Variants in EYS observed in about 807,000 individuals in gnomAD.
EYS encodes protein eyes shut homolog.
EYS carries 250 observed loss-of-function variants against 282.1 expected under a neutral mutation model. The observed-to-expected ratio is 0.89, with a 90% CI of 0.80 to 0.98. The LOEUF (loss-of-function observed/expected upper bound fraction) is 0.98, where lower values mean the gene tolerates loss of function less well. Among genes scored for constraint, EYS ranks in the 50% least tolerant of loss-of-function variants. The pLI is 0.00. For missense variants in EYS, 4,016 were observed against 3,709.0 expected (o/e 1.08, Z -2.15); for synonymous variants, 1,355 against 1,282.9 (o/e 1.06, Z -1.20).
intron 22 of EYS, among the ~76,000 whole-genome samples, chr6:64,645,731 C>T (rs1191063508): frequency 6.6e-6 from 1 of 152,006 alleles, no homozygotes; most frequent in Non-Finnish European, 1.5e-5. Flanking sequence ...TATTAGAATG[C>T]TGTCAGAAAT....
intron 5 of EYS, among the ~76,000 whole-genome samples, chr6:65,410,671 C>A (rs1766954909): frequency 7.0e-6 from 1 of 141,846 alleles, no homozygotes; most frequent in African/African-American, 2.6e-5. Context: ...GTTTCTGTGT[C>A]TGGCCTATTT....
intron 12 of EYS, among the ~76,000 whole-genome samples, chr6:65,140,166 T>A (rs975711789): frequency 1.3e-5 from 2 of 151,846 alleles, no homozygotes; most frequent in Non-Finnish European, 2.9e-5. Flanking sequence ...AATTAGAAAG[T>A]CTCAGCAAAG....
chr6:64,710,249 T>C (rs1771161968), intron 22 of EYS, among the ~76,000 whole-genome samples: 1 of 152,208 alleles, frequency 6.6e-6, no homozygotes, highest in Non-Finnish European at 1.5e-5. Flanking sequence ...TCTCATTATG[T>C]AGATGGTTTT....
rs952148267 is a variant in EYS, at chr6:64,038,680, A to AT, written c.6725+27657dup. On this transcript the variant is annotated intron_variant, in intron 33 of 42. Coordinates refer to ENST00000503581, the MANE Select transcript of EYS (RefSeq NM_001142800.2). ...TCATGGGCAATTTCTTTTTTCCTCC[A>AT]TTTTTTTAATGATATGAGACTAATT... Among the ~76,000 whole-genome samples the AT allele has an allele frequency of 1.9e-4, 29 of 151,856 alleles. No homozygotes were observed. The South Asian group carries it at 2.7e-3, about 14-fold the overall frequency.
At chr6:64,025,672 C>T in intron 33 of EYS, among the ~76,000 whole-genome samples, 1 of 152,168 alleles carries the variant, frequency 6.6e-6, no homozygotes, top group East Asian at 1.9e-4. Context: ...AATTTAGGAT[C>T]CCTCCTCAGA....
chr6:63,957,061 G>T (rs1765857384), intron 35 of EYS, among the ~76,000 whole-genome samples: 1 of 152,074 alleles, frequency 6.6e-6, no homozygotes, highest in Non-Finnish European at 1.5e-5. Context: ...GTACTATATT[G>T]ATGATCAATT....
chr6:65,642,719 CTAA>C (rs948150851), intron 1 of EYS, among the ~76,000 whole-genome samples: 5 of 152,100 alleles, frequency 3.3e-5, no homozygotes, highest in African/African-American at 1.2e-4. Context: ...TGATTTCAGT[CTAA>C]TAAGTATTTC....
At chr6:64,723,147 C>G (rs1270657745) in intron 22 of EYS, among the ~76,000 whole-genome samples, 1 of 151,538 alleles carries the variant, frequency 6.6e-6, no homozygotes, top group Admixed American at 6.6e-5. Flanking sequence ...GTGGACACAT[C>G]GAGGCAGACA....
chr6:64,963,691 A>G (rs1015436693), intron 14 of EYS, among the ~76,000 whole-genome samples: 1 of 152,192 alleles, frequency 6.6e-6, no homozygotes, highest in Non-Finnish European at 1.5e-5. Flanking sequence ...AGACACACCA[A>G]GTAGAAACTA....
chr6:64,288,186 GCA>G (rs1322830745), intron 30 of EYS, among the ~76,000 whole-genome samples: 24 of 152,172 alleles, frequency 1.6e-4, no homozygotes, highest in Admixed American at 1.4e-3. Context: ...TTTTCACTCT[GCA>G]CAGTTTCCTT....
At chr6:65,326,747 T>C (rs1351207964) in intron 11 of EYS, among the ~76,000 whole-genome samples, 1 of 151,586 alleles carries the variant, frequency 6.6e-6, no homozygotes, top group Non-Finnish European at 1.5e-5. Context: ...AATTTTAAGA[T>C]TTTCTTTTGT....
rs78787008 is a variant in EYS, at chr6:65,186,955, A to C, written c.2023+108908T>G. 8.1e-3 allele frequency among the ~76,000 whole-genome samples: 1,230 copies of C among 151,808 alleles called. 10 individuals carry two copies. The highest frequency in any genetic ancestry group is 0.027 in the African/African-American group (1,114 of 41,488). ...CTTTTTTATATTTCCTCAATGAGAA[A>C]CTGTCTTAGCAGCCAAAGTAACAGC... On this transcript the variant is annotated intron_variant, in intron 12 of 42. Coordinates refer to ENST00000503581, the MANE Select transcript of EYS (RefSeq NM_001142800.2).
intron 21 of EYS, among the ~76,000 whole-genome samples, chr6:64,820,277 G>T (rs1441185946): frequency 6.6e-6 from 1 of 151,910 alleles, no homozygotes; most frequent in East Asian, 1.9e-4. Context: ...AATCACATAG[G>T]TAGAATTTTA....
chr6:65,439,757 T>G (rs571683217), intron 5 of EYS, among the ~76,000 whole-genome samples: 1 of 152,074 alleles, frequency 6.6e-6, no homozygotes, highest in South Asian at 2.1e-4. Context: ...CTCTTATGTG[T>G]GTCCTCACAA....
intron 30 of EYS, among the ~76,000 whole-genome samples, chr6:64,246,018 C>CAAAAAAAAAAAAAAAAAAAAAA (rs60121734): frequency 1.8e-5 from 1 of 56,202 alleles, no homozygotes; most frequent in African/African-American, 8.2e-5. Flanking sequence ...AACTCCGTCT[C>CAAAAAAAAAAAAAAAAAAAAAA]AAAAAAAAAA....
Position 64,444,967 on chromosome 6 carries a change from C to T in EYS, c.5645-5615G>A, listed in dbSNP as rs112713400. On this transcript the variant is annotated intron_variant, in intron 26 of 42. Transcript: ENST00000503581. ...AAGCTGAGGAGATGTTGGTGCTATGCTGGTACAGCCTGCTGAACCATGAAC... is the reference window on the plus strand; with the variant it reads ...AAGCTGAGGAGATGTTGGTGCTATGTTGGTACAGCCTGCTGAACCATGAAC... Among the ~76,000 whole-genome samples the T allele has an allele frequency of 6.5e-3, 994 of 152,310 alleles. 9 individuals are homozygous for T. The highest frequency in any genetic ancestry group is 0.029 in the East Asian group (150 of 5,182).
At chr6:65,252,295 T>A (rs1767347869) in intron 12 of EYS, among the ~76,000 whole-genome samples, 1 of 151,900 alleles carries the variant, frequency 6.6e-6, no homozygotes, top group South Asian at 2.1e-4. Context: ...TTATTCAGCA[T>A]ACCAAAGACA....
chr6:65,166,348 A>G (rs919082553), intron 12 of EYS, among the ~76,000 whole-genome samples: 12 of 151,306 alleles, frequency 7.9e-5, no homozygotes, highest in South Asian at 2.1e-4. Context: ...CACAAGAAAC[A>G]CTAATAAAGA....
intron 6 of EYS, among the ~76,000 whole-genome samples, chr6:65,403,069 C>A (rs566413674): frequency 6.6e-6 from 1 of 152,116 alleles, no homozygotes; most frequent in Non-Finnish European, 1.5e-5. Flanking sequence ...AATAAGAAAA[C>A]CTTCAAGATG....
Sources: allele counts gnomAD v4.1 joint callset (sites outside exome capture counted in the v4.1 genomes callset), GRCh38; gene constraint gnomAD v4.1.1; transcripts MANE v1.5; gene names NCBI Gene and HGNC (gene_info 2026-07-23, HGNC 2026-07-21).